Variants in NALF1 observed in about 807,000 individuals in gnomAD.
The protein encoded by NALF1 is family with sequence similarity 155 member A.
Under a neutral mutation model 48.4 loss-of-function variants are expected in NALF1, and 3 were observed. That is an observed-to-expected ratio of 0.06 (90% CI 0.03 to 0.16). The LOEUF (loss-of-function observed/expected upper bound fraction) is 0.16, where lower values mean the gene tolerates loss of function less well. NALF1 is among the 10% of genes least tolerant of loss of function. NALF1 has a pLI of 1.00. For missense variants in NALF1, 526 were observed against 571.5 expected, an observed-to-expected ratio of 0.92 and a Z score of 0.81; for synonymous variants, 262 against 245.7, an observed-to-expected ratio of 1.07 and a Z score of -0.62.
Position 107,702,972 on chromosome 13 carries a change from G to A in NALF1, c.915+162710C>T, listed in dbSNP as rs986964382. On this transcript the variant is annotated intron_variant, in intron 1 of 2. Transcript: ENST00000375915. ...TCATGGGCATTTAGGTTGGTTTCAC[G>A]TCTTTGCTATTGTGAACAGTGCTGC... 9.2e-5 allele frequency among the ~76,000 whole-genome samples: 14 copies of A among 152,052 alleles called. 1 individual carries two copies. Among genetic ancestry groups the A allele is most frequent in the East Asian group, 1.9e-4 (1 of 5,194 alleles).
intron 1 of NALF1, among the ~76,000 whole-genome samples, chr13:107,344,355 A>T (rs747214478): frequency 2.6e-5 from 4 of 152,198 alleles, no homozygotes; most frequent in Non-Finnish European, 5.9e-5. Flanking sequence ...CATTACTCTG[A>T]TACAAAAGCC....
chr13:107,355,337 C>A (rs551570348), intron 1 of NALF1, among the ~76,000 whole-genome samples: 70 of 152,308 alleles, frequency 4.6e-4, no homozygotes, highest in African/African-American at 1.7e-3. Context: ...TTCTGTGGAA[C>A]ATTATGCATG....
intron 1 of NALF1, among the ~76,000 whole-genome samples, chr13:107,862,725 A>T (rs1409603213): frequency 6.6e-6 from 1 of 151,962 alleles, no homozygotes; most frequent in African/African-American, 2.4e-5. Context: ...TAATTTTATT[A>T]GGTCTATTCT....
chr13:107,439,375 T>C (rs1470570156), intron 1 of NALF1, among the ~76,000 whole-genome samples: 1 of 152,224 alleles, frequency 6.6e-6, no homozygotes, highest in African/African-American at 2.4e-5. Context: ...AACCTTCCTC[T>C]GTTCTTCCCC....
intron 1 of NALF1, among the ~76,000 whole-genome samples, chr13:107,412,774 T>C (rs1255601438): frequency 6.6e-6 from 1 of 152,156 alleles, no homozygotes; most frequent in African/African-American, 2.4e-5. Context: ...CATTAACCAA[T>C]GTTGTGAGGG....
intron 1 of NALF1, among the ~76,000 whole-genome samples, chr13:107,751,008 A>C (rs1009107118): frequency 6.6e-6 from 1 of 152,236 alleles, no homozygotes; most frequent in African/African-American, 2.4e-5. Flanking sequence ...TGAATGATAA[A>C]ACAGGCCAGA....
chr13:107,756,930 T>C (rs572931323), intron 1 of NALF1, among the ~76,000 whole-genome samples: 1 of 152,340 alleles, frequency 6.6e-6, no homozygotes, highest in Non-Finnish European at 1.5e-5. Context: ...ATTATTGTTA[T>C]AAGTTCATAC....
intron 1 of NALF1, among the ~76,000 whole-genome samples, chr13:107,824,389 T>A (rs1245905824): frequency 6.6e-6 from 1 of 152,234 alleles, no homozygotes; most frequent in African/African-American, 2.4e-5. Context: ...TATGAATAGA[T>A]GAATTTCCCT....
At chr13:107,791,842 C>T (rs1878249089) in intron 1 of NALF1, among the ~76,000 whole-genome samples, 1 of 151,374 alleles carries the variant, frequency 6.6e-6, no homozygotes, top group South Asian at 2.1e-4. Flanking sequence ...TACCTAAAAT[C>T]CCAGCTACTC....
chr13:107,708,173 T>G (rs1263042791), intron 1 of NALF1, among the ~76,000 whole-genome samples: 2 of 152,208 alleles, frequency 1.3e-5, no homozygotes, highest in African/African-American at 2.4e-5. Context: ...CAACCCTTGC[T>G]CTACTGCTCA....
At chr13:107,406,394 C>G (rs1883899758) in intron 1 of NALF1, among the ~76,000 whole-genome samples, 1 of 151,850 alleles carries the variant, frequency 6.6e-6, no homozygotes, top group Non-Finnish European at 1.5e-5. Flanking sequence ...AAAACAAAAT[C>G]AAGAAAGTAA....
At chr13:107,373,510 C>T (rs1883282476) in intron 1 of NALF1, among the ~76,000 whole-genome samples, 1 of 152,134 alleles carries the variant, frequency 6.6e-6, no homozygotes, top group Non-Finnish European at 1.5e-5. Flanking sequence ...CTTGCTCTGT[C>T]CCTCCTACAG....
intron 1 of NALF1, among the ~76,000 whole-genome samples, chr13:107,389,346 G>A (rs1228514744): frequency 2.0e-5 from 3 of 152,188 alleles, no homozygotes; most frequent in Non-Finnish European, 4.4e-5. Flanking sequence ...AGGGAATCAA[G>A]TTAAGATGAG....
intron 1 of NALF1, among the ~76,000 whole-genome samples, chr13:107,675,032 G>A (rs1359976435): frequency 6.6e-6 from 1 of 152,190 alleles, no homozygotes; most frequent in Non-Finnish European, 1.5e-5. Flanking sequence ...CCTTGAGAGA[G>A]GCAGGTTAGA....
At chr13:107,506,592 T>TGCTC (rs111449116) in intron 1 of NALF1, among the ~76,000 whole-genome samples, 2 of 151,360 alleles carry the variant, frequency 1.3e-5, no homozygotes, top group Non-Finnish European at 2.9e-5. Flanking sequence ...TTGTGCATTT[T>TGCTC]TCTCTATTTA....
intron 1 of NALF1, chr13:107,531,328 G>T: frequency 6.2e-6 from 1 of 160,984 alleles, no homozygotes. Context: ...TCTTCTGAGT[G>T]TATGGCACCT....
chr13:107,500,572 A>T (rs1391105023), intron 1 of NALF1, among the ~76,000 whole-genome samples: 1 of 150,726 alleles, frequency 6.6e-6, no homozygotes, highest in Non-Finnish European at 1.5e-5. Flanking sequence ...TAGAACTAGA[A>T]ATACCATTTG....
At chr13:107,482,413 C>T (rs556028880) in intron 1 of NALF1, among the ~76,000 whole-genome samples, 17 of 152,112 alleles carry the variant, frequency 1.1e-4, no homozygotes, top group Admixed American at 2.0e-4. Flanking sequence ...CCAGGGGCCT[C>T]GCTGAGGATG....
At chr13:107,659,394 A>T (rs909824392) in intron 1 of NALF1, among the ~76,000 whole-genome samples, 5 of 152,084 alleles carry the variant, frequency 3.3e-5, no homozygotes, top group African/African-American at 1.2e-4. Flanking sequence ...CATGTCTTCC[A>T]CATTTTTGTC....
Sources: allele counts gnomAD v4.1 joint callset (sites outside exome capture counted in the v4.1 genomes callset), GRCh38; gene constraint gnomAD v4.1.1; transcripts MANE v1.5; gene names NCBI Gene and HGNC (gene_info 2026-07-23, HGNC 2026-07-21).